The following TECRL variants were observed in gnomAD, a reference collection of about 807,000 sequenced individuals.
The protein encoded by TECRL is trans-2,3-enoyl-CoA reductase like.
Under a neutral mutation model 52.8 loss-of-function variants are expected in TECRL, and 63 were observed. The observed-to-expected ratio is 1.19, with a 90% CI of 0.97 to 1.47. The LOEUF is 1.47. Ranked by LOEUF, TECRL falls within the 40% of genes most tolerant of loss-of-function variation. TECRL has a pLI of 0.00. For synonymous variants in TECRL, 164 were observed against 141.9 expected (o/e 1.16, Z -1.10); for missense variants, 482 against 429.6 (o/e 1.12, Z -1.08).
At chr4:64,398,484 C>T (rs1724120892) in intron 1 of TECRL, among the ~76,000 whole-genome samples, 1 of 152,136 alleles carries the variant, frequency 6.6e-6, no homozygotes, top group African/African-American at 2.4e-5. Context: ...CTCTCTGTCT[C>T]TTTGTTCTTA....
At chr4:64,320,130 TAACA>T (rs1432326511) in intron 4 of TECRL, among the ~76,000 whole-genome samples, 2 of 151,814 alleles carry the variant, frequency 1.3e-5, no homozygotes, top group African/African-American at 2.4e-5. Flanking sequence ...TTTAATTAAT[TAACA>T]GTCTTCATAT....
At chr4:64,280,964 T>A (rs1577790064) in intron 11 of TECRL, 77 bp downstream of exon 11, 2 of 1,054,378 alleles carry the variant, frequency 1.9e-6, no homozygotes, top group South Asian at 3.1e-5. Flanking sequence ...TTTAGTACTA[T>A]AATAACTTTT....
intron 2 of TECRL, among the ~76,000 whole-genome samples, chr4:64,368,673 T>G (rs1228734619): frequency 2.0e-5 from 3 of 152,070 alleles, no homozygotes; most frequent in Admixed American, 6.6e-5. Flanking sequence ...GAAATTTTAT[T>G]TTTTTAAAGT....
chr4:64,379,905 T>C (rs111923152), intron 1 of TECRL, among the ~76,000 whole-genome samples: 2 of 152,140 alleles, frequency 1.3e-5, no homozygotes, highest in South Asian at 2.1e-4. Flanking sequence ...TTGTTTTCCA[T>C]TGGATAAATA....
chr4:64,389,471 G>A (rs983727988), intron 1 of TECRL, among the ~76,000 whole-genome samples: 5 of 151,934 alleles, frequency 3.3e-5, no homozygotes, highest in Non-Finnish European at 7.4e-5. Context: ...TAAATCCCAC[G>A]TGGTTGCAAA....
At chr4:64,322,864 G>T in intron 3 of TECRL, 72 bp from the exon 4 acceptor site, 2 of 1,035,232 alleles carry the variant, frequency 1.9e-6, no homozygotes, top group Non-Finnish European at 2.8e-6. Flanking sequence ...ATTTCTTAGT[G>T]TAAAATCAGT....
At chr4:64,293,602 T>C (rs930701461) in intron 8 of TECRL, among the ~76,000 whole-genome samples, 3 of 152,128 alleles carry the variant, frequency 2.0e-5, no homozygotes, top group South Asian at 2.1e-4. Flanking sequence ...TACCAATGAC[T>C]AAAGCAAGGG....
Position 64,321,487 on chromosome 4 carries a change from TTAAA to T in TECRL, c.435+1198_435+1201del, listed in dbSNP as rs569461469. 1.2e-3 allele frequency among the ~76,000 whole-genome samples: 178 copies of T among 152,198 alleles called. 1 individual carries two copies. Among genetic ancestry groups the T allele is most frequent in the Non-Finnish European group, 1.9e-3 (128 of 67,958 alleles). On this transcript the variant is annotated intron_variant, in intron 4 of 11. Coordinates refer to ENST00000381210, the MANE Select transcript of TECRL (RefSeq NM_001010874.5). ...AAATGCAAAGAAAAACTTTCATAGT[TTAAA>T]TAATACAAATAACAGAAGTTTAATG... is the stretch of plus-strand genomic sequence containing the variant.
At chr4:64,280,369 G>T (rs955282653) in intron 11 of TECRL, among the ~76,000 whole-genome samples, 170 bp from the exon 12 acceptor site, 2 of 151,698 alleles carry the variant, frequency 1.3e-5, no homozygotes, top group African/African-American at 2.4e-5. Flanking sequence ...AATCAATATC[G>T]CATGAATGAG....
chr4:64,357,936 G>C (rs1006891922), intron 2 of TECRL, among the ~76,000 whole-genome samples: 3 of 151,644 alleles, frequency 2.0e-5, no homozygotes, highest in African/African-American at 7.2e-5. Flanking sequence ...TGTGGGTAAA[G>C]ACCATGAACA....
intron 11 of TECRL, 121 bp downstream of exon 11, chr4:64,280,920 G>T: frequency 1.7e-6 from 1 of 572,494 alleles, no homozygotes; most frequent in Non-Finnish European, 2.9e-6. Flanking sequence ...AACTCAGTAT[G>T]AAACTATGAA....
chr4:64,309,846 G>A lies in TECRL; in HGVS notation c.637C>T (p.Pro213Ser). ...FVHKVSAGHT[P>S]LKNLIMSCAF... ...CTCACCATTATCAAATTTTTCAAAG[G>A]TGTGTGTCCTGCAGAAACTTTGTGA... The change falls in exon 6 of 12, where the codon CCT (proline) becomes TCT (serine). Residue 213 changes from proline (P) to serine (S), a missense_variant. By Grantham distance (74) the Pro-to-Ser change is moderately conservative. Transcript: ENST00000381210. The A allele has an allele frequency of 3.1e-6, 5 of 1,607,892 alleles. No homozygotes were observed. The highest frequency in any genetic ancestry group is 4.3e-6 in the Non-Finnish European group (5 of 1,174,888).
chr4:64,360,434 A>G (rs1721094158), intron 2 of TECRL, among the ~76,000 whole-genome samples: 1 of 152,036 alleles, frequency 6.6e-6, no homozygotes, highest in Admixed American at 6.6e-5. Flanking sequence ...GTAAAATGAA[A>G]ATATACAGAC....
At chr4:64,357,313 T>C (rs919542441) in intron 2 of TECRL, among the ~76,000 whole-genome samples, 1 of 151,734 alleles carries the variant, frequency 6.6e-6, no homozygotes. Context: ...ATATAAATAT[T>C]TGGACTATAA....
At chr4:64,300,104 G>A in intron 7 of TECRL, 87 bp from the exon 8 acceptor site, 11 of 976,912 alleles carry the variant, frequency 1.1e-5, no homozygotes, top group South Asian at 6.1e-5. Context: ...GTATTTATTG[G>A]GTATAAATTC....
chr4:64,357,316 G>T (rs772886375), intron 2 of TECRL, among the ~76,000 whole-genome samples: 1 of 151,660 alleles, frequency 6.6e-6, no homozygotes, highest in Non-Finnish European at 1.5e-5. Context: ...TAAATATTTG[G>T]ACTATAATAC....
At chr4:64,303,566 C>T (rs1052733025) in intron 7 of TECRL, among the ~76,000 whole-genome samples, 30 of 151,838 alleles carry the variant, frequency 2.0e-4, no homozygotes, top group South Asian at 4.1e-4. Flanking sequence ...AATCTGCCTA[C>T]ATTTTCTAAA....
intron 3 of TECRL, 119 bp from the exon 4 acceptor site, chr4:64,322,911 G>T: frequency 1.4e-6 from 1 of 723,290 alleles, no homozygotes; most frequent in Non-Finnish European, 2.2e-6. Flanking sequence ...AAATTACAAT[G>T]TACAAGAAAT....
intron 1 of TECRL, among the ~76,000 whole-genome samples, chr4:64,399,437 C>G (rs1309910046): frequency 6.6e-6 from 1 of 152,132 alleles, no homozygotes; most frequent in Non-Finnish European, 1.5e-5. Flanking sequence ...ACTGAGCAAC[C>G]ACTTGCTAGA....
Sources: gnomAD v4.1 joint callset for allele counts (sites outside exome capture counted in the v4.1 genomes callset) on GRCh38, gnomAD v4.1.1 for gene constraint, MANE v1.5 for transcripts, NCBI Gene and HGNC (gene_info 2026-07-23, HGNC 2026-07-21) for gene names.